The following CPSF3 variants were observed in gnomAD, a reference collection of about 807,000 sequenced individuals.
The protein encoded by CPSF3 is cleavage and polyadenylation specificity factor subunit 3.
A neutral mutation model predicts 84.1 loss-of-function variants in CPSF3; 57 were observed. That is an observed-to-expected ratio of 0.68 (90% CI 0.55 to 0.85). The LOEUF is 0.85. CPSF3 is among the 40% of genes least tolerant of loss of function. The probability of loss-of-function intolerance (pLI) is 0.00; values close to 1 mark genes in which losing one functional copy is unlikely to be tolerated. For missense variants in CPSF3, 522 were observed against 838.8 expected, an observed-to-expected ratio of 0.62 and a Z score of 4.66; for synonymous variants, 275 against 278.1, an observed-to-expected ratio of 0.99 and a Z score of 0.11.
intron 15 of CPSF3, among the ~76,000 whole-genome samples, chr2:9,460,423 C>T (rs1450035849): frequency 1.3e-5 from 2 of 151,694 alleles, no homozygotes; most frequent in Non-Finnish European, 1.5e-5. Flanking sequence ...AGCAAGACTC[C>T]GTCTCAAAAA....
At chr2:9,461,494 C>G (rs184272791) in intron 15 of CPSF3, among the ~76,000 whole-genome samples, 2 of 152,062 alleles carry the variant, frequency 1.3e-5, no homozygotes, top group Admixed American at 1.3e-4. Flanking sequence ...GAAACCCCAT[C>G]TTTTCTAAAA....
rs915523012 is a variant in CPSF3 at position 9,455,645 on chromosome 2, C to T, written c.1505-14C>T. 5.7e-6 allele frequency: 9 copies of T among 1,591,846 alleles called. No homozygotes were observed. Among genetic ancestry groups the T allele is most frequent in the South Asian group, 1.1e-5 (1 of 89,710 alleles). On this transcript the variant is annotated splice_polypyrimidine_tract_variant and intron_variant, in intron 12 of 17. Transcript: ENST00000238112. Reference sequence around the variant, plus strand: ...ACTAGTATTTCTTCAAGTCTCTTCTCATTTTCTCTTCAGATTATACTGACC... The same window carrying T: ...ACTAGTATTTCTTCAAGTCTCTTCTTATTTTCTCTTCAGATTATACTGACC...
intron 17 of CPSF3, among the ~76,000 whole-genome samples, chr2:9,472,335 AAG>A: frequency 6.6e-6 from 1 of 151,734 alleles, no homozygotes; most frequent in Non-Finnish European, 1.5e-5. Flanking sequence ...AAAAAAAAAA[AAG>A]AAGCAACTAG....
intron 6 of CPSF3, among the ~76,000 whole-genome samples, chr2:9,434,283 C>T (rs1680700833): frequency 6.6e-6 from 1 of 151,742 alleles, no homozygotes; most frequent in Non-Finnish European, 1.5e-5. Context: ...GCACAAGAAT[C>T]ACTTGAACCC....
intron 9 of CPSF3, among the ~76,000 whole-genome samples, chr2:9,442,328 G>C (rs1026918352): frequency 1.2e-4 from 19 of 152,170 alleles, no homozygotes; most frequent in Non-Finnish European, 1.6e-4. Context: ...AAAAGCTGTA[G>C]AATGTGTTTG....
At chr2:9,466,394 ACACACACG>A (rs1681977316) in intron 15 of CPSF3, among the ~76,000 whole-genome samples, 3 of 145,684 alleles carry the variant, frequency 2.1e-5, no homozygotes, top group South Asian at 2.2e-4. Context: ...ACACACGCGC[ACACACACG>A]CACGCGCACA....
At chr2:9,433,349 C>T (rs1316651170) in intron 5 of CPSF3, among the ~76,000 whole-genome samples, 1 of 152,178 alleles carries the variant, frequency 6.6e-6, no homozygotes, top group African/African-American at 2.4e-5. Flanking sequence ...TCTAGTGTCA[C>T]GTCCTAAATT....
At chr2:9,471,518 C>A in intron 17 of CPSF3, 79 bp downstream of exon 17, 2 of 852,962 alleles carry the variant, frequency 2.3e-6, no homozygotes, top group South Asian at 1.3e-5. Context: ...CTCTCACACT[C>A]AACAGTCTAC....
intron 14 of CPSF3, among the ~76,000 whole-genome samples, chr2:9,459,306 ACT>A (rs1681641636): frequency 6.6e-6 from 1 of 152,146 alleles, no homozygotes; most frequent in Non-Finnish European, 1.5e-5. Flanking sequence ...CCTATAAAAC[ACT>A]GTGTCGAAAG....
At chr2:9,442,965 C>G (rs1681005833) in intron 9 of CPSF3, among the ~76,000 whole-genome samples, 1 of 152,090 alleles carries the variant, frequency 6.6e-6, no homozygotes, top group Non-Finnish European at 1.5e-5. Flanking sequence ...GAGTTGGGGA[C>G]CAGCTTGGGC....
At chr2:9,444,140 T>TATATA in intron 10 of CPSF3, among the ~76,000 whole-genome samples, 1 of 129,888 alleles carries the variant, frequency 7.7e-6, no homozygotes, top group East Asian at 2.0e-4. Flanking sequence ...AATATATATA[T>TATATA]TATATATATA....
intron 15 of CPSF3, among the ~76,000 whole-genome samples, chr2:9,466,202 ACACACGCG>A (rs1681907513): frequency 6.6e-6 from 1 of 150,494 alleles, no homozygotes; most frequent in African/African-American, 2.5e-5. Context: ...GCGCTCACAC[ACACACGCG>A]CACACACGCA....
At chr2:9,450,929 C>G (rs1681309043) in intron 11 of CPSF3, among the ~76,000 whole-genome samples, 1 of 152,044 alleles carries the variant, frequency 6.6e-6, no homozygotes, top group Non-Finnish European at 1.5e-5. Flanking sequence ...TGTAAATAGT[C>G]GTAGTTACTC....
intron 6 of CPSF3, among the ~76,000 whole-genome samples, chr2:9,435,660 A>T (rs987970892): frequency 2.6e-5 from 4 of 151,710 alleles, no homozygotes; most frequent in Non-Finnish European, 5.9e-5. Flanking sequence ...CAGGTGATCC[A>T]CCCGCCTCGG....
At position 9,443,610 on chromosome 2, in the gene CPSF3, G is replaced by A. The variant is rs141200245; in HGVS notation, c.1191G>A (p.Thr397=). 16 of 1,614,060 alleles carry A rather than the reference G, an allele frequency of 9.9e-6. No individual in the cohort carries two copies. Among genetic ancestry groups the A allele is most frequent in the African/African-American group, 4.0e-5 (3 of 75,000 alleles). ...ATTACATTTCTTTCTCAGCTCACAC[G>A]GATTACCAGCAAACCAGTGAATTTA... is the stretch of plus-strand genomic sequence containing the variant. ...SVDYISFSAH[T]DYQQTSEFIR... Residue 397 remains threonine (T), a synonymous_variant, in exon 10 of 18, where the codon ACG becomes ACA. Coordinates refer to ENST00000238112, the MANE Select transcript of CPSF3 (RefSeq NM_016207.4).
In CPSF3 at chr2:9,440,607, A is replaced by G; in HGVS notation, c.877A>G (p.Ile293Val). 1.2e-6 allele frequency: 2 copies of G among 1,614,230 alleles called. No individual in the cohort carries two copies. Among genetic ancestry groups the G allele is most frequent in the Non-Finnish European group, 1.7e-6 (2 of 1,180,038 alleles). Residue 293 changes from isoleucine (I) to valine (V), a missense_variant, in exon 8 of 18, where the codon ATC becomes GTC. Coordinates refer to ENST00000238112, the MANE Select transcript of CPSF3 (RefSeq NM_016207.4). ...QTYVNAMNDK[I>V]RKQININNPF... is the part of the protein sequence containing the mutation. ...ATATGTAAATGCCATGAATGACAAAATCCGCAAACAGATCAACATCAATAA... is the reference window on the plus strand; with the variant it reads ...ATATGTAAATGCCATGAATGACAAAGTCCGCAAACAGATCAACATCAATAA...
intron 7 of CPSF3, among the ~76,000 whole-genome samples, chr2:9,437,394 A>ACT (rs34333798): frequency 0.56 from 84,599 of 151,532 alleles, 24,629 homozygotes; most frequent in Middle Eastern, 0.7. Flanking sequence ...ACAGAGGGAG[A>ACT]CTGTCTCAAA....
At chr2:9,463,633 C>T (rs1572805558) in intron 15 of CPSF3, among the ~76,000 whole-genome samples, 1 of 152,220 alleles carries the variant, frequency 6.6e-6, no homozygotes. Flanking sequence ...AGAACTGGTA[C>T]ATGTGACACT....
chr2:9,428,765 T>G lies in CPSF3; in HGVS notation c.51T>G (p.Leu17=). 1.2e-6 allele frequency: 2 copies of G among 1,601,294 alleles called. No homozygotes were observed. Among genetic ancestry groups the G allele is most frequent in the South Asian group, 1.1e-5 (1 of 90,448 alleles). Residue 17 remains leucine, a splice_region_variant and synonymous_variant, in exon 2 of 18, where the codon CTT becomes CTG. Transcript: ENST00000238112. The stretch of plus-strand genomic sequence containing the variant: ...TTTTTCTCCCCTTGAATATTTACAG[T>G]GGAGCTGGGCAAGAAGTAGGAAGAT... ...EESDQLLIRP[L]GAGQEVGRSC...
Sources: gnomAD v4.1 joint callset for allele counts (sites outside exome capture counted in the v4.1 genomes callset) on GRCh38, gnomAD v4.1.1 for gene constraint, MANE v1.5 for transcripts, NCBI Gene and HGNC (gene_info 2026-07-23, HGNC 2026-07-21) for gene names.